The following GARIN1B variants were observed in gnomAD, a reference collection of about 807,000 sequenced individuals.
GARIN1B encodes the protein golgi associated RAB2 interactor 1B, also known as Golgi-associated RAB2 interactor protein 1B.
the GARIN1B span, chr7:128,723,253 G>A: frequency 2.5e-6 from 4 of 1,613,008 alleles, no homozygotes; most frequent in Admixed American, 3.3e-5. Context: ...TTCAGCTAAT[G>A]ACCAAGGGGG....
the GARIN1B span, among the ~76,000 whole-genome samples, chr7:128,713,138 C>G: frequency 6.6e-6 from 1 of 152,102 alleles, no homozygotes; most frequent in East Asian, 1.9e-4. Context: ...GAAACCCCAT[C>G]TCTACTAAAA....
chr7:128,723,142 A>C, the GARIN1B span: 1 of 1,490,526 alleles, frequency 6.7e-7, no homozygotes, highest in African/African-American at 1.4e-5. Context: ...ATATTAGGAA[A>C]ATGTGAAGAC....
chr7:128,719,553 TA>T, the GARIN1B span, among the ~76,000 whole-genome samples: 2 of 152,120 alleles, frequency 1.3e-5, no homozygotes, highest in Non-Finnish European at 2.9e-5. Flanking sequence ...GCATTTCATA[TA>T]AATGGAATCT....
At chr7:128,715,075 G>A in the GARIN1B span, among the ~76,000 whole-genome samples, 1 of 152,188 alleles carries the variant, frequency 6.6e-6, no homozygotes, top group Non-Finnish European at 1.5e-5. Flanking sequence ...TTCAGAGTAA[G>A]GAAGGGTTGA....
chr7:128,718,811 G>A, the GARIN1B span: 5 of 1,609,332 alleles, frequency 3.1e-6, no homozygotes, highest in Non-Finnish European at 4.3e-6. Flanking sequence ...GTCAGTGTGT[G>A]TCTTCCCTGG....
the GARIN1B span, chr7:128,718,987 G>A: frequency 9.9e-6 from 16 of 1,614,010 alleles, no homozygotes; most frequent in Middle Eastern, 3.3e-4. Context: ...TTCAAATTCT[G>A]CAAAAGGGGC....
the GARIN1B span, chr7:128,713,993 G>A: frequency 2.6e-6 from 4 of 1,529,372 alleles, no homozygotes; most frequent in Non-Finnish European, 3.5e-6. Context: ...TGACCATGAA[G>A]ACACTTTTCC....
chr7:128,731,097 C>T, the GARIN1B span: 1 of 1,611,834 alleles, frequency 6.2e-7, no homozygotes, highest in Admixed American at 1.7e-5. Context: ...CCTACACTCA[C>T]AGGAAATTCT....
the GARIN1B span, among the ~76,000 whole-genome samples, chr7:128,714,312 C>T: frequency 1.3e-5 from 2 of 152,146 alleles, no homozygotes; most frequent in Non-Finnish European, 2.9e-5. Context: ...CACAGTGGCT[C>T]ATGCCTGTAA....
At chr7:128,709,750 C>CTGTCTTTTTTTTTTTTTTTTTTTTTT in the GARIN1B span, among the ~76,000 whole-genome samples, 2 of 114,618 alleles carry the variant, frequency 1.7e-5, 1 homozygote. Flanking sequence ...CTCTCTCTCT[C>CTGTCTTTTTTTTTTTTTTTTTTTTTT]TTTTTTTTTT....
At chr7:128,715,574 G>C in the GARIN1B span, 1 of 1,614,164 alleles carries the variant, frequency 6.2e-7, no homozygotes, top group Non-Finnish European at 8.5e-7. Flanking sequence ...TGTGGATGGA[G>C]AGCCGAACCC....
the GARIN1B span, chr7:128,726,897 C>T: frequency 1.9e-6 from 3 of 1,603,844 alleles, no homozygotes; most frequent in East Asian, 2.2e-5. Context: ...GGGTACCATG[C>T]CTCAAAGAGC....
At chr7:128,730,960 G>C in the GARIN1B span, 1 of 794,204 alleles carries the variant, frequency 1.3e-6, no homozygotes, top group Non-Finnish European at 2.2e-6. Flanking sequence ...CACTGGGCCC[G>C]GCCACCACCA....
chr7:128,719,418 T>A, the GARIN1B span, among the ~76,000 whole-genome samples: 1 of 151,514 alleles, frequency 6.6e-6, no homozygotes, highest in Non-Finnish European at 1.5e-5. Context: ...ATCACCACAA[T>A]CCAGTTTCAG....
At chr7:128,713,893 ACGCTTTTGTGCTGTGT>A in the GARIN1B span, 2 of 1,090,522 alleles carry the variant, frequency 1.8e-6, no homozygotes, top group Non-Finnish European at 2.6e-6. Flanking sequence ...ATTAATTACT[ACGCTTTTGTGCTGTGT>A]GTTCCCTTTC....
At chr7:128,714,554 G>A in the GARIN1B span, among the ~76,000 whole-genome samples, 36 of 149,926 alleles carry the variant, frequency 2.4e-4, no homozygotes, top group African/African-American at 8.4e-4. Flanking sequence ...ACTCCAGCCT[G>A]AGCAACAAGA....
chr7:128,709,750 CTTTTTTTTTT>C, the GARIN1B span, among the ~76,000 whole-genome samples: 7 of 114,652 alleles, frequency 6.1e-5, no homozygotes, highest in Admixed American at 2.6e-4. Flanking sequence ...CTCTCTCTCT[CTTTTTTTTTT>C]TTTTTTTTTT....
chr7:128,716,795 C>T, the GARIN1B span: 1 of 1,590,810 alleles, frequency 6.3e-7, no homozygotes, highest in African/African-American at 1.3e-5. Context: ...CAGGTTGTGC[C>T]TGGGGGCTGT....
chr7:128,726,640 G>T, the GARIN1B span, among the ~76,000 whole-genome samples: 2 of 85,936 alleles, frequency 2.3e-5, no homozygotes, highest in Non-Finnish European at 4.4e-5. Flanking sequence ...CCCCCTTCCC[G>T]ATTTTTTTTT....
Sources: gnomAD v4.1 joint callset for allele counts (sites outside exome capture counted in the v4.1 genomes callset) on GRCh38, gnomAD v4.1.1 for gene constraint, MANE v1.5 for transcripts, NCBI Gene and HGNC (gene_info 2026-07-23, HGNC 2026-07-21) for gene names.